The following TMTC3 variants were observed in gnomAD, a reference collection of about 807,000 sequenced individuals.
TMTC3 encodes transmembrane O-mannosyltransferase targeting cadherins 3, also known as protein O-mannosyl-transferase TMTC3.
A neutral mutation model predicts 92.2 loss-of-function variants in TMTC3; 52 were observed. That is an observed-to-expected ratio of 0.56 (90% CI 0.45 to 0.71). TMTC3 has a LOEUF of 0.71. Ranked by LOEUF, TMTC3 falls within the 30% of genes least tolerant of loss-of-function variation. The pLI, the probability that TMTC3 is intolerant of heterozygous loss-of-function variation, is 0.00. For synonymous variants in TMTC3, 339 were observed against 363.3 expected (o/e 0.93, Z 0.76); for missense variants, 896 against 1,057.1 (o/e 0.85, Z 2.11).
rs751105372 is a variant in TMTC3, at chr12:88,148,442, C to G, written c.127C>G (p.His43Asp). ...AGCAATACTGGATAACAAAGACTTG[C>G]ATCCATCTACACCTTTAAAAACTTT... ...VSAILDNKDL[H>D]PSTPLKTLFQ... The change falls in exon 2 of 14, where the codon CAT (histidine) becomes GAT (aspartate). Residue 43 changes from histidine (H) to aspartate (D), a missense_variant. Physicochemically the swap from His to Asp is moderately conservative, Grantham distance 81 (BLOSUM62 -1). Coordinates refer to ENST00000266712, the MANE Select transcript of TMTC3 (RefSeq NM_181783.4). The G allele has an allele frequency of 1.2e-6, 2 of 1,613,498 alleles. No homozygotes were observed. Among genetic ancestry groups the G allele is most frequent in the East Asian group, 2.2e-5 (1 of 44,832 alleles).
chr12:88,154,952 G>C (rs2040988574), intron 4 of TMTC3, among the ~76,000 whole-genome samples: 1 of 152,158 alleles, frequency 6.6e-6, no homozygotes, highest in South Asian at 2.1e-4. Flanking sequence ...TGTGGGCACA[G>C]TGGGCACAAA....
At chr12:88,174,533 C>T in intron 8 of TMTC3, 74 bp from the exon 9 acceptor site, 3 of 1,494,820 alleles carry the variant, frequency 2.0e-6, no homozygotes, top group South Asian at 1.3e-5. Flanking sequence ...TACTTCTTAC[C>T]TCTGTTCTAA....
At chr12:88,187,387 A>G (rs562989501) in intron 10 of TMTC3, among the ~76,000 whole-genome samples, 1 of 152,274 alleles carries the variant, frequency 6.6e-6, no homozygotes, top group African/African-American at 2.4e-5. Context: ...TTTTATGAAC[A>G]TATTTTTGCA....
At chr12:88,178,914 T>G (rs2041287890) in intron 10 of TMTC3, among the ~76,000 whole-genome samples, 1 of 152,166 alleles carries the variant, frequency 6.6e-6, no homozygotes, top group Admixed American at 6.5e-5. Flanking sequence ...GTGTACACAT[T>G]CAGTTTTGTC....
intron 10 of TMTC3, among the ~76,000 whole-genome samples, chr12:88,182,753 T>G (rs950842073): frequency 1.3e-5 from 2 of 152,178 alleles, no homozygotes; most frequent in Admixed American, 6.5e-5. Flanking sequence ...AAAGCCTGAT[T>G]TACATGATAC....
rs761526961 is a variant in TMTC3 at position 88,197,786 on chromosome 12, A to T, written c.*2137A>T. ...CATTAATAATTTAATAATTGTTTTA[A>T]ATCAGTGGTTTTCAACCCTCACTTC... On this transcript the variant is annotated 3_prime_UTR_variant, in exon 14 of 14. Transcript: ENST00000266712. The T allele has an allele frequency of 6.6e-6, 1 of 152,026 alleles. No individual in the cohort carries two copies. The highest frequency in any genetic ancestry group is 6.6e-5 in the Admixed American group (1 of 15,244). The allele number at this position is 152,026 out of a possible 1,614,324, so 9.4% of individuals were successfully genotyped here.
chr12:88,171,347 T>C (rs903117331), intron 7 of TMTC3, among the ~76,000 whole-genome samples: 1 of 152,142 alleles, frequency 6.6e-6, no homozygotes, highest in Non-Finnish European at 1.5e-5. Context: ...TTATGCCTTT[T>C]GACCAACCTC....
At chr12:88,186,533 A>G (rs1257342399) in intron 10 of TMTC3, among the ~76,000 whole-genome samples, 1 of 152,152 alleles carries the variant, frequency 6.6e-6, no homozygotes, top group African/African-American at 2.4e-5. Flanking sequence ...TTACCATTGA[A>G]TTAAAAGCTA....
chr12:88,190,322 C>A (rs2041428357), intron 11 of TMTC3, 131 bp from the exon 12 acceptor site: 5 of 729,146 alleles, frequency 6.9e-6, no homozygotes, highest in African/African-American at 1.8e-5. Context: ...AGGAGTAGAA[C>A]CCTGATCTCT....
chr12:88,189,094 A>ATTT, intron 11 of TMTC3, 148 bp downstream of exon 11: 94 of 429,192 alleles, frequency 2.2e-4, no homozygotes, highest in East Asian at 4.6e-4. Context: ...AGCTTACTTA[A>ATTT]TTTTTTTTTT....
At position 88,198,874 on chromosome 12, in the gene TMTC3, A is replaced by G. The variant is rs1592757948; in HGVS notation, c.*3225A>G. 6.6e-6 allele frequency: 1 copy of G among 152,568 alleles called. No individual in the cohort carries two copies. 9.5% of individuals were successfully genotyped at this position (152,568 alleles called of 1,614,324 possible). A position where few individuals can be genotyped will look rare whatever the true frequency, so the allele number is the denominator to read the frequency against. ...AAATGAATGCCCAAAAATATCTTGT[A>G]CCTTTGTCCAAAAGTTTATCTGTTG... On this transcript the variant is annotated 3_prime_UTR_variant, in exon 14 of 14. Coordinates refer to ENST00000266712, the MANE Select transcript of TMTC3 (RefSeq NM_181783.4).
intron 1 of TMTC3, among the ~76,000 whole-genome samples, chr12:88,144,327 CAT>C (rs1263673005): frequency 2.0e-5 from 3 of 152,062 alleles, no homozygotes; most frequent in African/African-American, 7.2e-5. Flanking sequence ...TTACTGAGCA[CAT>C]GTTATGTCAT....
chr12:88,142,749 T>TG (rs1352939958), intron 1 of TMTC3, among the ~76,000 whole-genome samples: 1 of 152,204 alleles, frequency 6.6e-6, no homozygotes, highest in African/African-American at 2.4e-5. Context: ...GATCCTCGTT[T>TG]GGGGGCGAGC....
At chr12:88,185,787 C>T (rs892777882) in intron 10 of TMTC3, among the ~76,000 whole-genome samples, 1 of 151,886 alleles carries the variant, frequency 6.6e-6, no homozygotes, top group African/African-American at 2.4e-5. Context: ...TTTTGTGCAC[C>T]ATTTGAGATG....
intron 7 of TMTC3, 28 bp downstream of exon 7, chr12:88,166,610 G>T: frequency 6.3e-7 from 1 of 1,592,076 alleles, no homozygotes; most frequent in South Asian, 1.2e-5. Context: ...ACTTCCAAAT[G>T]ATGTTAACAT....
At chr12:88,154,198 T>A in intron 3 of TMTC3, 90 bp from the exon 4 acceptor site, 1 of 919,322 alleles carries the variant, frequency 1.1e-6, no homozygotes, top group South Asian at 1.7e-5. Context: ...CTTGAAAAGT[T>A]ACGGAAATTA....
In TMTC3 at chr12:88,153,350, G is replaced by C. The variant is rs2040966285; in HGVS notation, c.249G>C (p.Leu83Phe). ...LTVLTFRLNY[L>F]LSELKPMSYH... ...TATTGACATTTCGCTTAAATTATTT[G>C]TTAAGTGAACTAAAACCAATGTCAT... The change falls in exon 3 of 14, where the codon TTG becomes TTC. Residue 83 changes from leucine (L) to phenylalanine (F), a missense_variant. By Grantham distance (22) the Leu-to-Phe change is conservative (BLOSUM62 0). Coordinates refer to ENST00000266712, the MANE Select transcript of TMTC3 (RefSeq NM_181783.4). 1 of 1,613,378 alleles carries C rather than the reference G, an allele frequency of 6.2e-7. No individual in the cohort carries two copies. Among genetic ancestry groups the C allele is most frequent in the Admixed American group, 1.7e-5 (1 of 59,984 alleles).
chr12:88,199,215 A>G lies in TMTC3; in HGVS notation c.*3566A>G, dbSNP rs191193931. ...AAATTAAGAAAAGGAAACAACTCAGACTTGGAATTTTATACGAATTTCATT... is the reference window on the plus strand; with the variant it reads ...AAATTAAGAAAAGGAAACAACTCAGGCTTGGAATTTTATACGAATTTCATT... On this transcript the variant is annotated 3_prime_UTR_variant, in exon 14 of 14. Transcript: ENST00000266712. 6.6e-6 allele frequency: 1 copy of G among 152,174 alleles called. No individual in the cohort carries two copies. The highest frequency in any genetic ancestry group is 1.5e-5 in the Non-Finnish European group (1 of 67,966). 9.4% of individuals were successfully genotyped at this position (152,174 alleles called of 1,614,324 possible).
At chr12:88,148,156 C>G in intron 1 of TMTC3, 132 bp from the exon 2 acceptor site, 1 of 592,470 alleles carries the variant, frequency 1.7e-6, no homozygotes, top group Non-Finnish European at 3.0e-6. Context: ...GCTTATGCTT[C>G]TTAGAAGTGG....
Sources: allele counts gnomAD v4.1 joint callset (sites outside exome capture counted in the v4.1 genomes callset), GRCh38; gene constraint gnomAD v4.1.1; transcripts MANE v1.5; gene names NCBI Gene and HGNC (gene_info 2026-07-23, HGNC 2026-07-21).